Variants in FYB2 observed in about 807,000 individuals in gnomAD.
FYB2 encodes the protein FYN binding protein 2.
In FYB2, 103 loss-of-function variants were observed where a neutral mutation model predicts 94.1. That is an observed-to-expected ratio of 1.09 (90% CI 0.93 to 1.29). FYB2 has a LOEUF of 1.29. Among genes scored for constraint, FYB2 ranks in the 50% most tolerant of loss-of-function variants. The pLI is 0.00. For missense variants in FYB2, 896 were observed against 841.5 expected, an observed-to-expected ratio of 1.06 and a Z score of -0.80; for synonymous variants, 293 against 287.9, an observed-to-expected ratio of 1.02 and a Z score of -0.18.
intron 1 of FYB2, among the ~76,000 whole-genome samples, chr1:56,794,438 G>A (rs761450313): frequency 5.3e-5 from 8 of 152,160 alleles, no homozygotes; most frequent in Non-Finnish European, 7.4e-5. Context: ...TCATCTTAAA[G>A]GTTTTTTAAT....
intron 13 of FYB2, among the ~76,000 whole-genome samples, chr1:56,740,325 C>T (rs1194680668): frequency 6.6e-6 from 1 of 152,050 alleles, no homozygotes; most frequent in East Asian, 1.9e-4. Context: ...CAAATAAAAA[C>T]TACTGGGGCT....
intron 4 of FYB2, among the ~76,000 whole-genome samples, chr1:56,770,600 C>T (rs1315777400): frequency 6.6e-6 from 1 of 151,966 alleles, no homozygotes; most frequent in Non-Finnish European, 1.5e-5. Flanking sequence ...TCAAGGATGG[C>T]TTAACATCAG....
chr1:56,781,939 G>T (rs1422697298), intron 4 of FYB2, among the ~76,000 whole-genome samples: 3 of 151,994 alleles, frequency 2.0e-5, no homozygotes, highest in Non-Finnish European at 4.4e-5. Flanking sequence ...AACTGGGCTG[G>T]GTCCTTATTC....
chr1:56,791,231 A>G (rs1646256359), intron 2 of FYB2, among the ~76,000 whole-genome samples: 1 of 151,404 alleles, frequency 6.6e-6, no homozygotes, highest in South Asian at 2.1e-4. Flanking sequence ...GGTGCTAGGG[A>G]TATGGTAGTA....
At chr1:56,740,923 A>G (rs1478852224) in intron 12 of FYB2, 128 bp from the exon 13 acceptor site, 3 of 523,764 alleles carry the variant, frequency 5.7e-6, no homozygotes, top group Admixed American at 3.8e-5. Context: ...ATAGGTATAC[A>G]TGGTCATAAA....
Position 56,738,423 on chromosome 1 carries a change from G to C in FYB2, c.1732+202C>G, listed in dbSNP as rs1011968674. ...GAGGAACACATCTGCCCCAGGGCAT[G>C]GTATGTAGTAGGTACTTGAGAAACA... is the stretch of plus-strand genomic sequence containing the variant. On this transcript the variant is annotated intron_variant, in intron 14 of 19. Transcript: ENST00000343433. Among the ~76,000 whole-genome samples, 4 of 152,060 alleles carry C rather than the reference G, an allele frequency of 2.6e-5. No homozygotes were observed. In the South Asian group the frequency reaches 8.3e-4, roughly 32 times the overall value.
In FYB2 at chr1:56,792,229, G is replaced by A. The variant is rs763341292; in HGVS notation, c.584C>T (p.Pro195Leu). 1.1e-5 allele frequency: 18 copies of A among 1,613,628 alleles called. No individual in the cohort carries two copies. Among genetic ancestry groups the A allele is most frequent in the South Asian group, 4.4e-5 (4 of 90,984 alleles). Reference sequence around the variant, plus strand: ...GGGGGCCACCACGTGCTTCTGGGAAGGAAGAGTCTGGGCTCCTTTTGTTTC... The same window carrying A: ...GGGGGCCACCACGTGCTTCTGGGAAAGAAGAGTCTGGGCTCCTTTTGTTTC... ...KLETKGAQTL[P>L]SQKHVVAPKI... Residue 195 changes from proline to leucine, a missense_variant, in exon 2 of 20, where the codon CCT (proline) becomes CTT (leucine). By Grantham distance (98) the Pro-to-Leu change is moderately conservative (BLOSUM62 -3). Coordinates refer to ENST00000343433, the MANE Select transcript of FYB2 (RefSeq NM_001004303.5).
At chr1:56,777,770 T>TA (rs1645915839) in intron 4 of FYB2, among the ~76,000 whole-genome samples, 2 of 152,134 alleles carry the variant, frequency 1.3e-5, no homozygotes, top group Non-Finnish European at 1.5e-5. Flanking sequence ...CATCTGCTTA[T>TA]AATGACCTTA....
chr1:56,766,473 G>A (rs974453545), intron 5 of FYB2, among the ~76,000 whole-genome samples: 3 of 150,574 alleles, frequency 2.0e-5, no homozygotes, highest in East Asian at 3.9e-4. Flanking sequence ...TCGCTCTGTC[G>A]CCTAGGCTGG....
At chr1:56,770,780 C>T (rs1464538893) in intron 4 of FYB2, among the ~76,000 whole-genome samples, 2 of 152,028 alleles carry the variant, frequency 1.3e-5, no homozygotes, top group Non-Finnish European at 2.9e-5. Flanking sequence ...CTATCAGGAA[C>T]TTTGGCAATA....
chr1:56,724,297 T>C (rs1644544197), intron 16 of FYB2, among the ~76,000 whole-genome samples: 1 of 152,052 alleles, frequency 6.6e-6, no homozygotes, highest in Non-Finnish European at 1.5e-5. Flanking sequence ...CGTGTGAGAA[T>C]TTCAGCACTT....
chr1:56,779,548 A>T (rs1300232923), intron 4 of FYB2, among the ~76,000 whole-genome samples: 1 of 152,180 alleles, frequency 6.6e-6, no homozygotes, highest in Non-Finnish European at 1.5e-5. Context: ...GGGATATAAT[A>T]TTGGACATGC....
intron 15 of FYB2, among the ~76,000 whole-genome samples, chr1:56,728,792 A>G (rs1233096687): frequency 6.6e-6 from 1 of 152,206 alleles, no homozygotes; most frequent in East Asian, 1.9e-4. Flanking sequence ...CCAAATTCCA[A>G]TGTGTAATTA....
Position 56,786,308 on chromosome 1 carries a change from A to G in FYB2, c.953+867T>C, listed in dbSNP as rs868482226. On this transcript the variant is annotated intron_variant, in intron 4 of 19. Coordinates refer to ENST00000343433, the MANE Select transcript of FYB2 (RefSeq NM_001004303.5). ...GGTTATTATGTAGCATTACTCTAGCAATGGAGAACTGATACTTCTTTAAAG... is the reference window on the plus strand; with the variant it reads ...GGTTATTATGTAGCATTACTCTAGCGATGGAGAACTGATACTTCTTTAAAG... Among the ~76,000 whole-genome samples the G allele has an allele frequency of 2.0e-5, 3 of 152,208 alleles. No individual in the cohort carries two copies. The South Asian group carries it at 6.2e-4, about 31-fold the overall frequency.
chr1:56,769,949 A>G (rs1645716183), intron 4 of FYB2, among the ~76,000 whole-genome samples: 1 of 152,158 alleles, frequency 6.6e-6, no homozygotes, highest in Admixed American at 6.5e-5. Flanking sequence ...AAATGGATGG[A>G]AAAGACATAC....
At chr1:56,731,222 C>T (rs1644702287) in intron 15 of FYB2, among the ~76,000 whole-genome samples, 1 of 152,136 alleles carries the variant, frequency 6.6e-6, no homozygotes, top group Non-Finnish European at 1.5e-5. Flanking sequence ...GGGTAGGTGG[C>T]AGGAAAGATC....
chr1:56,802,632 T>C (rs1025203544), intron 1 of FYB2, among the ~76,000 whole-genome samples: 2 of 152,180 alleles, frequency 1.3e-5, no homozygotes, highest in African/African-American at 4.8e-5. Flanking sequence ...AAGAAAGCCA[T>C]TATTCTTCCC....
At chr1:56,808,502 C>G (rs1646695189) in intron 1 of FYB2, among the ~76,000 whole-genome samples, 1 of 152,168 alleles carries the variant, frequency 6.6e-6, no homozygotes, top group Admixed American at 6.5e-5. Flanking sequence ...AAAGCCAGAC[C>G]TTCTTGTGAG....
At chr1:56,800,285 T>A (rs555910004) in intron 1 of FYB2, among the ~76,000 whole-genome samples, 1 of 152,244 alleles carries the variant, frequency 6.6e-6, no homozygotes, top group South Asian at 2.1e-4. Flanking sequence ...CCTTCATGAC[T>A]AAAAGGGCTT....
Sources: allele counts gnomAD v4.1 joint callset (sites outside exome capture counted in the v4.1 genomes callset), GRCh38; gene constraint gnomAD v4.1.1; transcripts MANE v1.5; gene names NCBI Gene and HGNC (gene_info 2026-07-23, HGNC 2026-07-21).